Variants in ATP8B4 observed in about 807,000 individuals in gnomAD.
ATP8B4 encodes the protein ATPase phospholipid transporting 8B4 (putative).
In ATP8B4, 133 loss-of-function variants were observed where a neutral mutation model predicts 145.6. The observed-to-expected ratio is 0.91, with a 90% CI of 0.79 to 1.05. ATP8B4 has a LOEUF of 1.05. ATP8B4 is among the 50% of genes least tolerant of loss of function. The probability of loss-of-function intolerance (pLI) is 0.00; values close to 1 mark genes in which losing one functional copy is unlikely to be tolerated. For missense variants in ATP8B4, 1,458 were observed against 1,425.2 expected (o/e 1.02, Z -0.37); for synonymous variants, 507 against 492.9 (o/e 1.03, Z -0.38).
At chr15:50,040,571 T>G (rs1410099703) in intron 5 of ATP8B4, among the ~76,000 whole-genome samples, 1 of 152,188 alleles carries the variant, frequency 6.6e-6, no homozygotes, top group Non-Finnish European at 1.5e-5. Flanking sequence ...TTAACTGCAA[T>G]GGAATCAAAA....
At chr15:50,087,837 T>C (rs2055322062) in intron 2 of ATP8B4, among the ~76,000 whole-genome samples, 1 of 152,096 alleles carries the variant, frequency 6.6e-6, no homozygotes, top group African/African-American at 2.4e-5. Context: ...AGTCTCTCTT[T>C]AGAAAATTTT....
At chr15:50,087,303 A>ATTATATATAATAGATATAGATATATAT (rs2055258735) in intron 2 of ATP8B4, among the ~76,000 whole-genome samples, 1 of 120,326 alleles carries the variant, frequency 8.3e-6, no homozygotes, top group African/African-American at 3.7e-5. Context: ...ATCTATATCT[A>ATTATATATAATAGATATAGATATATAT]TTATATATAA....
chr15:49,878,005 C>T (rs2034762730), intron 24 of ATP8B4, among the ~76,000 whole-genome samples: 1 of 152,106 alleles, frequency 6.6e-6, no homozygotes, highest in Non-Finnish European at 1.5e-5. Context: ...TTGATGATTG[C>T]TGAGGCCTGT....
intron 3 of ATP8B4, among the ~76,000 whole-genome samples, chr15:50,054,803 A>ACC (rs1567274450): frequency 2.2e-5 from 3 of 136,620 alleles, no homozygotes; most frequent in Non-Finnish European, 1.5e-5. Flanking sequence ...AAAAAAAAAA[A>ACC]AAAAAACAAA....
chr15:49,954,038 T>G (rs529668907), intron 14 of ATP8B4, among the ~76,000 whole-genome samples: 2 of 152,048 alleles, frequency 1.3e-5, no homozygotes, highest in Non-Finnish European at 2.9e-5. Context: ...CCTGGATACC[T>G]TGGTTGCCGG....
intron 1 of ATP8B4, among the ~76,000 whole-genome samples, chr15:50,144,888 T>A (rs1595644009): frequency 1.3e-5 from 2 of 152,268 alleles, no homozygotes; most frequent in South Asian, 4.1e-4. Context: ...TCTCAGCTGA[T>A]CAGATCACTC....
chr15:49,862,163 T>C (rs2060206252), intron 27 of ATP8B4, 82 bp downstream of exon 27: 31 of 1,502,542 alleles, frequency 2.1e-5, no homozygotes, highest in Admixed American at 5.6e-5. Context: ...AGCCCATCTC[T>C]GAGCTTCCAA....
chr15:49,875,874 G>A (rs1323141292), intron 25 of ATP8B4, among the ~76,000 whole-genome samples: 2 of 152,132 alleles, frequency 1.3e-5, no homozygotes, highest in African/African-American at 4.8e-5. Context: ...CCATAGAAAT[G>A]TATTGCCAAG....
At chr15:50,115,960 C>T (rs2057148782) in intron 1 of ATP8B4, among the ~76,000 whole-genome samples, 1 of 152,310 alleles carries the variant, frequency 6.6e-6, no homozygotes, top group Admixed American at 6.5e-5. Flanking sequence ...TTTCCATTAT[C>T]CTTGTTCCCT....
chr15:50,171,997 C>T (rs2044681112), intron 1 of ATP8B4, among the ~76,000 whole-genome samples: 1 of 152,184 alleles, frequency 6.6e-6, no homozygotes, highest in African/African-American at 2.4e-5. Context: ...AAAAATACAA[C>T]CCTCCTAGCT....
chr15:49,884,872 T>C (rs2035986550), intron 23 of ATP8B4, among the ~76,000 whole-genome samples: 1 of 152,130 alleles, frequency 6.6e-6, no homozygotes. Context: ...TGTTGTGAAC[T>C]GTGCATATGC....
chr15:49,894,736 C>A (rs1231569779), intron 23 of ATP8B4, among the ~76,000 whole-genome samples: 1 of 152,178 alleles, frequency 6.6e-6, no homozygotes, highest in Non-Finnish European at 1.5e-5. Flanking sequence ...GATCCAGAGC[C>A]TGCAGGGATG....
At chr15:50,100,769 C>T (rs776067209) in intron 2 of ATP8B4, among the ~76,000 whole-genome samples, 3 of 152,082 alleles carry the variant, frequency 2.0e-5, no homozygotes, top group Non-Finnish European at 2.9e-5. Context: ...TGTCAGGAAG[C>T]GAATGCAGAC....
rs142055063 is a variant in ATP8B4, at chr15:49,881,269, C to T, written c.2698-1810G>A. On this transcript the variant is annotated intron_variant, in intron 23 of 27. Transcript: ENST00000284509. ...TTATATAGTATTTCTACTATACAGA[C>T]CCAATATAATCTCAAGAGCATAAAT... Among the ~76,000 whole-genome samples the T allele has an allele frequency of 4.7e-4, 71 of 152,154 alleles. 3 individuals carry two copies. In the East Asian group the frequency reaches 0.014, roughly 29 times the overall value.
At chr15:50,093,673 ATAAG>A (rs967429415) in intron 2 of ATP8B4, among the ~76,000 whole-genome samples, 11 of 152,156 alleles carry the variant, frequency 7.2e-5, no homozygotes, top group African/African-American at 2.2e-4. Flanking sequence ...TATATTAGAT[ATAAG>A]TAAGTAGACT....
At chr15:50,023,509 A>C (rs1194026445) in intron 6 of ATP8B4, among the ~76,000 whole-genome samples, 1 of 152,168 alleles carries the variant, frequency 6.6e-6, no homozygotes, top group Non-Finnish European at 1.5e-5. Flanking sequence ...TATTACTCTA[A>C]AATGCTCCCT....
chr15:50,135,890 A>T (rs1482381396), intron 1 of ATP8B4, among the ~76,000 whole-genome samples: 1 of 152,218 alleles, frequency 6.6e-6, no homozygotes, highest in South Asian at 2.1e-4. Context: ...TGGTAAACTC[A>T]TATCTCCCCA....
chr15:50,012,150 T>C (rs1257019930), intron 6 of ATP8B4, among the ~76,000 whole-genome samples: 1 of 152,136 alleles, frequency 6.6e-6, no homozygotes, highest in African/African-American at 2.4e-5. Flanking sequence ...TTGACAACAA[T>C]AGAAGAACCT....
At chr15:50,042,200 A>T (rs2051345655) in intron 5 of ATP8B4, among the ~76,000 whole-genome samples, 1 of 152,072 alleles carries the variant, frequency 6.6e-6, no homozygotes, top group Non-Finnish European at 1.5e-5. Context: ...TATAGTCAAA[A>T]TGTGAACCAT....
Sources: allele counts gnomAD v4.1 joint callset (sites outside exome capture counted in the v4.1 genomes callset), GRCh38; gene constraint gnomAD v4.1.1; transcripts MANE v1.5; gene names NCBI Gene and HGNC (gene_info 2026-07-23, HGNC 2026-07-21).